Variants in SLC3A2 observed in about 807,000 individuals in gnomAD.
SLC3A2 encodes the protein amino acid transporter heavy chain SLC3A2.
SLC3A2 carries 32 observed loss-of-function variants against 48.5 expected under a neutral mutation model. The observed-to-expected ratio is 0.66, with a 90% CI of 0.50 to 0.89. The LOEUF (loss-of-function observed/expected upper bound fraction) is 0.89, where lower values mean the gene tolerates loss of function less well. SLC3A2 is among the 40% of genes least tolerant of loss of function. SLC3A2 has a pLI of 0.00. For synonymous variants in SLC3A2, 277 were observed against 288.8 expected (o/e 0.96, Z 0.41); for missense variants, 587 against 680.7 (o/e 0.86, Z 1.53).
At position 62,881,302 on chromosome 11, in the gene SLC3A2, C is replaced by A; in HGVS notation, c.279C>A (p.Leu93=). ...TGCTGCTCTTCTGGCTCGGCTGGCT[C>A]GGCATGCTTGCTGGTGCCGTGGTCA... ...ALLLLFWLGW[L]GMLAGAVVII... The change falls in exon 1 of 9, where the codon CTC becomes CTA. Residue 93 remains leucine (L), a synonymous_variant. Transcript: ENST00000338663. The surrounding 1 kb of genome is among the most constrained non-coding windows in gnomAD (Gnocchi z 4.0). 6.3e-7 allele frequency: 1 copy of A among 1,578,556 alleles called. No homozygotes were observed. Among genetic ancestry groups the A allele is most frequent in the South Asian group, 1.2e-5 (1 of 86,918 alleles).
Position 62,880,973 on chromosome 11 carries a change from G to A in SLC3A2, c.-51G>A, listed in dbSNP as rs2085625975. 2.0e-6 allele frequency: 3 copies of A among 1,523,774 alleles called. No individual in the cohort carries two copies. Among genetic ancestry groups the A allele is most frequent in the Non-Finnish European group, 2.6e-6 (3 of 1,135,386 alleles). The allele number at this position is 1,523,774 out of a possible 1,614,324, so 94.4% of individuals were successfully genotyped here. ...GGGTCCGAGGGTCCAGGTAGGGGTTGAGCCACCATCTGACCGCAAGCTGCG... is the reference window on the plus strand; with the variant it reads ...GGGTCCGAGGGTCCAGGTAGGGGTTAAGCCACCATCTGACCGCAAGCTGCG... On this transcript the variant is annotated 5_prime_UTR_variant, in exon 1 of 9. Coordinates refer to ENST00000338663, the MANE Select transcript of SLC3A2 (RefSeq NM_001013251.3).
intron 1 of SLC3A2, among the ~76,000 whole-genome samples, chr11:62,857,009 GAC>G (rs2085336181): frequency 2.6e-5 from 4 of 151,858 alleles, no homozygotes; most frequent in Admixed American, 2.6e-4. Context: ...TTTTAGTAGA[GAC>G]AGGGTTTCTC....
chr11:62,875,536 A>C (rs76996948), intron 1 of SLC3A2, among the ~76,000 whole-genome samples: 11 of 148,230 alleles, frequency 7.4e-5, no homozygotes, highest in Non-Finnish European at 7.4e-5. Context: ...ACTTCATCTC[A>C]AAAAAAAAAG....
chr11:62,887,500 C>T (rs541012905), intron 7 of SLC3A2, among the ~76,000 whole-genome samples: 3 of 151,976 alleles, frequency 2.0e-5, no homozygotes, highest in Admixed American at 1.3e-4. Context: ...GTCAAGAGTT[C>T]GAGACCAGCC....
intron 1 of SLC3A2, among the ~76,000 whole-genome samples, chr11:62,857,186 A>T (rs923963013): frequency 6.7e-6 from 1 of 150,132 alleles, no homozygotes; most frequent in Non-Finnish European, 1.5e-5. Context: ...CAGTGGCGGG[A>T]TGTCTGTTCA....
rs1288352024 is a variant in SLC3A2 at position 62,870,849 on chromosome 11, A to T, written c.113-10170A>T. The stretch of plus-strand genomic sequence containing the variant: ...TGCCGAGATGATAGGTAATAATAAT[A>T]ATAATAATTATTATTATTATTATTA... On this transcript the variant is annotated intron_variant, in intron 1 of 9. Coordinates refer to the SLC3A2 transcript ENST00000377889. 957 of 143,262 alleles carry T rather than the reference A, an allele frequency of 6.7e-3. 14 individuals carry two copies. The highest frequency in any genetic ancestry group is 0.038 in the African/African-American group (874 of 23,242). The allele number at this position is 143,262 out of a possible 1,614,324, so 8.9% of individuals were successfully genotyped here. A position where few individuals can be genotyped will look rare whatever the true frequency, so the allele number is the denominator to read the frequency against.
chr11:62,882,872 A>T (rs536994339), intron 2 of SLC3A2, 36 bp from the exon 3 acceptor site: 1 of 1,495,970 alleles, frequency 6.7e-7, no homozygotes, highest in African/African-American at 1.4e-5. Context: ...TAACTCATAG[A>T]CTGTCTCATG....
chr11:62,882,893 C>T lies in SLC3A2; in HGVS notation c.599-15C>T. The T allele has an allele frequency of 6.2e-7, 1 of 1,604,978 alleles. No individual in the cohort carries two copies. The highest frequency in any genetic ancestry group is 1.1e-5 in the South Asian group (1 of 90,884). On this transcript the variant is annotated splice_polypyrimidine_tract_variant and intron_variant, in intron 2 of 8. Transcript: ENST00000338663. ...ATAGACTGTCTCATGATTGCGTCTT[C>T]CTCCGTTGTTTTAGGCATCCGTGTC... is the stretch of plus-strand genomic sequence containing the variant.
intron 1 of SLC3A2, among the ~76,000 whole-genome samples, chr11:62,863,731 A>G (rs1472869275): frequency 6.6e-6 from 1 of 152,220 alleles, no homozygotes; most frequent in Non-Finnish European, 1.5e-5. Context: ...TAGGTCTGAC[A>G]AGACCCAATT....
In SLC3A2 at chr11:62,881,439, A is replaced by T. The variant is rs1172065846; in HGVS notation, c.416A>T (p.Asn139Ile). 3.2e-6 allele frequency: 5 copies of T among 1,583,998 alleles called. No homozygotes were observed. The South Asian group carries it at 5.6e-5, about 18-fold the overall frequency. ...LQAFQGHGAG[N>I]LAGLKGRLDY... ...GCCTTCCAGGGCCACGGCGCGGGCAACCTGGCGGGTGAGTGCAGCGCGCCC... is the reference window on the plus strand; with the variant it reads ...GCCTTCCAGGGCCACGGCGCGGGCATCCTGGCGGGTGAGTGCAGCGCGCCC... The change falls in exon 1 of 9, where the codon AAC becomes ATC. Residue 139 changes from asparagine to isoleucine, a missense_variant. By Grantham distance (149) the Asn-to-Ile change is moderately radical. Around this residue, in one of 3 missense-constraint regions of SLC3A2, gnomAD observed 409 missense variants for 446.7 expected, o/e 0.92. Transcript: ENST00000338663. This position sits in a 1 kb window ranked among gnomAD's most constrained non-coding sequence, Gnocchi z 4.0.
At position 62,881,858 on chromosome 11, in the gene SLC3A2, A is replaced by C; in HGVS notation, c.425-35A>C. On this transcript the variant is annotated intron_variant, in intron 1 of 8. Coordinates refer to ENST00000338663, the MANE Select transcript of SLC3A2 (RefSeq NM_001013251.3). The surrounding 1 kb of genome is among the most constrained non-coding windows in gnomAD (Gnocchi z 4.0). ...GGTGGGGAGGTCAGGGGCCTCTCAG[A>C]GGGGCCTCACTTGTTAACCCAGCCC... 1.9e-6 allele frequency: 3 copies of C among 1,604,636 alleles called. No individual in the cohort carries two copies. Among genetic ancestry groups the C allele is most frequent in the Non-Finnish European group, 2.6e-6 (3 of 1,173,518 alleles).
At chr11:62,886,404 TTTG>T (rs1349677520) in intron 7 of SLC3A2, 11 of 113,848 alleles carry the variant, frequency 9.7e-5, no homozygotes, top group Non-Finnish European at 2.0e-4. Flanking sequence ...TTTTTTTTTG[TTTG>T]TTTGTTTGTT....
intron 1 of SLC3A2, among the ~76,000 whole-genome samples, chr11:62,873,211 G>A (rs992804448): frequency 1.3e-5 from 2 of 151,772 alleles, no homozygotes; most frequent in African/African-American, 4.8e-5. Context: ...TTTTGTGGCC[G>A]GGCCTGGTGG....
chr11:62,882,397 C>T (rs1232485906), intron 2 of SLC3A2: 1 of 303,614 alleles, frequency 3.3e-6, no homozygotes. Context: ...TTTTACGACT[C>T]GATATAGACA....
At chr11:62,879,599 TGCAGAGGGGACTA>T (rs776694734), upstream of SLC3A2, among the ~76,000 whole-genome samples, 66 of 152,356 alleles carry the variant, frequency 4.3e-4, no homozygotes, top group Non-Finnish European at 7.9e-4. Flanking sequence ...TGCCTGGGGT[TGCAGAGGGGACTA>T]GCAGAGGGTG....
chr11:62,888,005 A>G (rs2085737017), intron 7 of SLC3A2, 130 bp from the exon 8 acceptor site: 1 of 746,098 alleles, frequency 1.3e-6, no homozygotes. Context: ...TATGTTGCTG[A>G]GGCTGGTTTC....
In SLC3A2 at chr11:62,881,083, G is replaced by GA. The variant is rs778450636; in HGVS notation, c.62dup (p.Gln22AlafsTer38). The stretch of plus-strand genomic sequence containing the variant: ...TGGAGCTGAATGAGTTAGAGCCCGA[G>GA]AAGCAGCCGATGAACGCGGCGTCTG... On this transcript the variant is annotated frameshift_variant, in exon 1 of 9. Coordinates refer to ENST00000338663, the MANE Select transcript of SLC3A2 (RefSeq NM_001013251.3). LOFTEE classifies it high-confidence loss of function. This position sits in a 1 kb window ranked among gnomAD's most constrained non-coding sequence, Gnocchi z 4.0. 1 of 1,609,046 alleles carries GA rather than the reference G, an allele frequency of 6.2e-7. No homozygotes were observed.
At chr11:62,875,150 A>G (rs2085557790) in intron 1 of SLC3A2, among the ~76,000 whole-genome samples, 1 of 152,190 alleles carries the variant, frequency 6.6e-6, no homozygotes, top group South Asian at 2.1e-4. Context: ...GGTCTTTGGA[A>G]TAGAGTCTTG....
At chr11:62,875,865 C>T (rs369588670) in intron 1 of SLC3A2, among the ~76,000 whole-genome samples, 1 of 152,166 alleles carries the variant, frequency 6.6e-6, no homozygotes, top group Non-Finnish European at 1.5e-5. Context: ...CTGCGCCCAG[C>T]CTGTTTGTTT....
Sources: gnomAD v4.1 joint callset for allele counts (sites outside exome capture counted in the v4.1 genomes callset) on GRCh38, gnomAD v4.1.1 for gene constraint, gnomAD v4.1.1 regional missense constraint, Gnocchi (gnomAD v3.1) non-coding constraint, MANE v1.5 for transcripts, NCBI Gene and HGNC (gene_info 2026-07-23, HGNC 2026-07-21) for gene names.